MYO16: variants seen among roughly 807,000 people sequenced by gnomAD.
MYO16 encodes the protein unconventional myosin-XVI.
In MYO16, 94 loss-of-function variants were observed where a neutral mutation model predicts 205.3. That is an observed-to-expected ratio of 0.46 (90% CI 0.39 to 0.54). MYO16 has a LOEUF of 0.54. Among genes scored for constraint, MYO16 ranks in the 20% least tolerant of loss-of-function variants. The pLI, the probability that MYO16 is intolerant of heterozygous loss-of-function variation, is 0.00. For synonymous variants in MYO16, 988 were observed against 954.0 expected (o/e 1.04, Z -0.66); for missense variants, 2,315 against 2,387.5 (o/e 0.97, Z 0.63).
chr13:108,695,658 T>C lies in MYO16; in HGVS notation c.293-17003T>C, dbSNP rs76173319. Reference sequence around the variant, plus strand: ...TAGGTCAATTTACCAAAAAATGATATTACTTAGTAAGCAGTTACTTACTAA... The same window carrying C: ...TAGGTCAATTTACCAAAAAATGATACTACTTAGTAAGCAGTTACTTACTAA... On this transcript the variant is annotated intron_variant, in intron 2 of 34. Transcript: ENST00000457511. Among the ~76,000 whole-genome samples the C allele has an allele frequency of 2.8e-4, 43 of 152,296 alleles. 2 individuals are homozygous for C. In the East Asian group the frequency reaches 8.1e-3, roughly 29 times the overall value.
At chr13:108,907,451 A>G (rs1341506065) in intron 15 of MYO16, among the ~76,000 whole-genome samples, 3 of 152,220 alleles carry the variant, frequency 2.0e-5, no homozygotes, top group East Asian at 1.9e-4. Flanking sequence ...CTTTTTATGT[A>G]TGAACACTTA....
intron 20 of MYO16, among the ~76,000 whole-genome samples, chr13:108,985,361 C>T (rs1002947440): frequency 2.6e-5 from 4 of 152,200 alleles, no homozygotes; most frequent in Non-Finnish European, 4.4e-5. Flanking sequence ...TAGTTTGTCT[C>T]GCTGACTCAC....
chr13:108,926,696 G>A (rs994742299), intron 16 of MYO16, among the ~76,000 whole-genome samples: 2 of 152,102 alleles, frequency 1.3e-5, no homozygotes, highest in Non-Finnish European at 2.9e-5. Flanking sequence ...GCAGTTTTTG[G>A]AGAGAAGTAA....
At chr13:108,648,904 C>A (rs1048200071) in intron 1 of MYO16, among the ~76,000 whole-genome samples, 1 of 147,534 alleles carries the variant, frequency 6.8e-6, no homozygotes, top group African/African-American at 2.5e-5. Context: ...CATTCTAATT[C>A]TCTCTCTCTC....
chr13:108,869,528 T>C (rs919091196), intron 12 of MYO16, among the ~76,000 whole-genome samples: 3 of 149,966 alleles, frequency 2.0e-5, no homozygotes, highest in Non-Finnish European at 4.4e-5. Flanking sequence ...ATCGAGACCA[T>C]CCTGGCTAAC....
chr13:108,989,543 A>G (rs1884749943), intron 20 of MYO16, among the ~76,000 whole-genome samples: 1 of 152,090 alleles, frequency 6.6e-6, no homozygotes, highest in Non-Finnish European at 1.5e-5. Context: ...CATGCTATTT[A>G]ATTAATTGTG....
chr13:108,911,066 C>CAGAG (rs1555311803), intron 16 of MYO16, among the ~76,000 whole-genome samples: 197 of 143,120 alleles, frequency 1.4e-3, no homozygotes, highest in South Asian at 2.8e-3. Context: ...CACACACACA[C>CAGAG]AGAGAGAGAG....
At chr13:108,924,958 G>A (rs1033663679) in intron 16 of MYO16, among the ~76,000 whole-genome samples, 7 of 152,138 alleles carry the variant, frequency 4.6e-5, no homozygotes, top group South Asian at 2.1e-4. Flanking sequence ...AAACAAACCC[G>A]TTTTCAACAT....
At chr13:108,795,414 T>A (rs559884818) in intron 6 of MYO16, among the ~76,000 whole-genome samples, 76 of 152,230 alleles carry the variant, frequency 5.0e-4, no homozygotes, top group African/African-American at 1.5e-3. Flanking sequence ...TTCACCATGT[T>A]AGCCAGGCTG....
intron 2 of MYO16, among the ~76,000 whole-genome samples, chr13:108,683,053 A>T (rs1882529864): frequency 6.6e-6 from 1 of 152,076 alleles, no homozygotes; most frequent in Non-Finnish European, 1.5e-5. Flanking sequence ...CCCATCTCAA[A>T]ATATCTAAAT....
chr13:108,763,792 T>C (rs1328153280), intron 4 of MYO16, among the ~76,000 whole-genome samples: 1 of 106,902 alleles, frequency 9.4e-6, no homozygotes, highest in Non-Finnish European at 2.1e-5. Flanking sequence ...AGGAGTTGTG[T>C]GTGTGTGTGT....
chr13:108,688,296 G>A (rs544912551), intron 2 of MYO16, among the ~76,000 whole-genome samples: 4 of 152,208 alleles, frequency 2.6e-5, no homozygotes, highest in Non-Finnish European at 5.9e-5. Flanking sequence ...TGCCCTAGGA[G>A]GTCATGAACA....
intron 15 of MYO16, among the ~76,000 whole-genome samples, chr13:108,904,404 T>C (rs187468352): frequency 6.6e-6 from 1 of 152,314 alleles, no homozygotes; most frequent in East Asian, 1.9e-4. Flanking sequence ...AATGACTTAG[T>C]TTTAGCCATA....
At chr13:108,543,736 T>C in the MYO16 span, among the ~76,000 whole-genome samples, 12 of 82,916 alleles carry the variant, frequency 1.4e-4, no homozygotes, top group East Asian at 5.1e-3. Context: ...CCCTTCCTTT[T>C]TTTCTTTTTT....
At chr13:108,666,390 T>C (rs1057393118) in intron 2 of MYO16, among the ~76,000 whole-genome samples, 2 of 152,208 alleles carry the variant, frequency 1.3e-5, no homozygotes, top group Admixed American at 6.5e-5. Flanking sequence ...TTGTATTTTT[T>C]TTTTTAAAGA....
rs1490613577 is a variant in MYO16 at position 109,120,443 on chromosome 13, G to T, written c.3512G>T (p.Arg1171Ile). Residue 1171 changes from arginine (R) to isoleucine (I), a missense_variant, in exon 29 of 35, where the codon AGA (arginine) becomes ATA (isoleucine). Transcript: ENST00000457511. ...AATGATTTGTGCCTACAGTTGCAGA[G>T]AAAAATTATAACCTGCCAAAAAGGT... The part of the protein sequence containing the change: ...QLNDLCLQLQ[R>I]KIITCQKVIR... The T allele has an allele frequency of 6.2e-7, 1 of 1,611,456 alleles. No homozygotes were observed. The highest frequency in any genetic ancestry group is 8.5e-7 in the Non-Finnish European group (1 of 1,178,960).
At chr13:109,121,805 G>A (rs1168204508) in intron 29 of MYO16, among the ~76,000 whole-genome samples, 2 of 152,190 alleles carry the variant, frequency 1.3e-5, no homozygotes, top group Non-Finnish European at 2.9e-5. Flanking sequence ...TGAGGCAAGG[G>A]GAAGCCTTGG....
At chr13:108,786,112 G>A (rs1886450317) in intron 5 of MYO16, among the ~76,000 whole-genome samples, 1 of 152,216 alleles carries the variant, frequency 6.6e-6, no homozygotes, top group Non-Finnish European at 1.5e-5. Flanking sequence ...GTCATCTGAA[G>A]TGTATTCTCT....
intron 4 of MYO16, among the ~76,000 whole-genome samples, chr13:108,782,635 C>T (rs1416278683): frequency 6.6e-6 from 1 of 152,022 alleles, no homozygotes. Flanking sequence ...CATGGCAGTC[C>T]CTCCCATCAC....
Sources: gnomAD v4.1 joint callset for allele counts (sites outside exome capture counted in the v4.1 genomes callset) on GRCh38, gnomAD v4.1.1 for gene constraint, MANE v1.5 for transcripts, NCBI Gene and HGNC (gene_info 2026-07-23, HGNC 2026-07-21) for gene names.